SETD1B: variants seen among roughly 807,000 people sequenced by gnomAD.
SETD1B encodes SET domain containing 1B, histone lysine methyltransferase, also known as histone-lysine N-methyltransferase SETD1B.
In SETD1B, 7 loss-of-function variants were observed where a neutral mutation model predicts 148.0. The ratio of observed to expected loss-of-function variants is 0.05; its 90% CI spans 0.03 to 0.09. The LOEUF (loss-of-function observed/expected upper bound fraction) is 0.09. Ranked by LOEUF, SETD1B falls within the 10% of genes least tolerant of loss-of-function variation. SETD1B has a pLI of 1.00. For missense variants in SETD1B, 2,155 were observed against 2,729.9 expected (o/e 0.79, Z 4.69); for synonymous variants, 1,361 against 1,186.5 (o/e 1.15, Z -3.02).
At chr12:121,813,326 AAC>A (rs1876130846) in intron 6 of SETD1B, among the ~76,000 whole-genome samples, 2 of 13,594 alleles carry the variant, frequency 1.5e-4, no homozygotes, top group African/African-American at 2.3e-4. Flanking sequence ...AATAAATAAC[AAC>A]ACACTTCCTG....
chr12:121,790,441 T>C, the SETD1B span, among the ~76,000 whole-genome samples: 1 of 152,262 alleles, frequency 6.6e-6, no homozygotes, highest in Non-Finnish European at 1.5e-5. Context: ...TTCTGTCCTG[T>C]TCTCCTGAGA....
intron 16 of SETD1B, among the ~76,000 whole-genome samples, chr12:121,829,803 A>C (rs1446661883): frequency 2.0e-5 from 3 of 152,358 alleles, no homozygotes; most frequent in East Asian, 3.9e-4. Context: ...CCTGAGCTAA[A>C]AATAGACATA....
At position 121,822,480 on chromosome 12, in the gene SETD1B, C is replaced by G. The variant is rs1245402709; in HGVS notation, c.3911-10C>G. 6.5e-7 allele frequency: 1 copy of G among 1,532,282 alleles called. No homozygotes were observed. The highest frequency in any genetic ancestry group is 1.2e-5 in the South Asian group (1 of 82,382). 94.9% of individuals were successfully genotyped at this position (1,532,282 alleles called of 1,614,324 possible). On this transcript the variant is annotated splice_polypyrimidine_tract_variant and intron_variant, in intron 11 of 16. Transcript: ENST00000604567. The stretch of plus-strand genomic sequence containing the variant: ...TAGTAAATGTCTCGTGTTCGCTCAC[C>G]TCTCTGCAGAACATGACCTGGAAGT...
At chr12:121,793,107 CG>C in the SETD1B span, 1 of 1,506,416 alleles carries the variant, frequency 6.6e-7, no homozygotes, top group Non-Finnish European at 9.0e-7. Context: ...GGAAACCCTT[CG>C]GGCGGGCGGA....
the SETD1B span, among the ~76,000 whole-genome samples, chr12:121,796,906 C>T: frequency 1.3e-5 from 2 of 152,040 alleles, no homozygotes; most frequent in Non-Finnish European, 2.9e-5. Context: ...GGCGTGGTGG[C>T]ACATGCCTGT....
At chr12:121,793,303 T>A in the SETD1B span, 27,209 of 1,474,926 alleles carry the variant, frequency 0.018, 333 homozygotes, top group Non-Finnish European at 0.023. Context: ...TCCAGCTGAA[T>A]CCACTGTCCA....
intron 6 of SETD1B, among the ~76,000 whole-genome samples, chr12:121,813,202 T>C (rs1434580205): frequency 6.6e-6 from 1 of 152,244 alleles, no homozygotes; most frequent in Non-Finnish European, 1.5e-5. Context: ...CCCCCCGCCC[T>C]GTGAGGTTAT....
In SETD1B at chr12:121,817,728, CAG is replaced by C. The variant is rs1321110054; in HGVS notation, c.3312+25_3312+26del. On this transcript the variant is annotated intron_variant, in intron 9 of 16. Coordinates refer to ENST00000604567, the MANE Select transcript of SETD1B (RefSeq NM_001353345.2). This position sits in a 1 kb window ranked among gnomAD's most constrained non-coding sequence, Gnocchi z 8.1. ...AGGTGCCTAGCAGGCCAGGAAGCCT[CAG>C]GGGGCCGGGCCAGGCGACGAGGGCC... 19 of 1,538,628 alleles carry C rather than the reference CAG, an allele frequency of 1.2e-5. No homozygotes were observed. Among genetic ancestry groups the C allele is most frequent in the Middle Eastern group, 3.4e-4 (2 of 5,932 alleles).
chr12:121,830,405 T>C lies in SETD1B; in HGVS notation c.*166T>C. The C allele has an allele frequency of 3.3e-6, 2 of 609,968 alleles. No individual in the cohort carries two copies. The highest frequency in any genetic ancestry group is 5.6e-6 in the Non-Finnish European group (2 of 357,880). The allele number at this position is 609,968 out of a possible 1,614,324, so 37.8% of individuals were successfully genotyped here. Reference sequence around the variant, plus strand: ...GCCCCACACTACCCCCTGGAGCCCCTGGCTCCGGCCCCTCCGCGGGAAAGG... The same window carrying C: ...GCCCCACACTACCCCCTGGAGCCCCCGGCTCCGGCCCCTCCGCGGGAAAGG... On this transcript the variant is annotated 3_prime_UTR_variant, in exon 17 of 17. Coordinates refer to ENST00000604567, the MANE Select transcript of SETD1B (RefSeq NM_001353345.2). This position sits in a 1 kb window ranked among gnomAD's most constrained non-coding sequence, Gnocchi z 5.7.
the SETD1B span, among the ~76,000 whole-genome samples, chr12:121,791,195 G>A: frequency 1.3e-5 from 2 of 151,912 alleles, no homozygotes; most frequent in Non-Finnish European, 2.9e-5. Context: ...GCACAATCTC[G>A]GCTCACTGCA....
intron 16 of SETD1B, 69 bp downstream of exon 16, chr12:121,828,139 G>A: frequency 6.6e-7 from 1 of 1,525,654 alleles, no homozygotes; most frequent in Non-Finnish European, 8.8e-7. Flanking sequence ...TGCCAGGAGG[G>A]CCTGGAAGCC....
chr12:121,799,731 T>TGGGGGGGGGGGGGGGGGGGGGG (rs1308261766), upstream of SETD1B: 5 of 31,726 alleles, frequency 1.6e-4, no homozygotes, highest in East Asian at 1.3e-3. Flanking sequence ...GGGGGGGGGG[T>TGGGGGGGGGGGGGGGGGGGGGG]GGGGTGGGGC....
At chr12:121,828,324 G>A (rs959779386) in intron 16 of SETD1B, among the ~76,000 whole-genome samples, 1 of 152,266 alleles carries the variant, frequency 6.6e-6, no homozygotes, top group Non-Finnish European at 1.5e-5. Context: ...CAAAGAAGTG[G>A]TTGGTTCAGT....
chr12:121,805,133 C>T lies in SETD1B; in HGVS notation c.190C>T (p.Pro64Ser). 1 of 1,551,696 alleles carries T rather than the reference C, an allele frequency of 6.4e-7. No homozygotes were observed. The highest frequency in any genetic ancestry group is 8.7e-7 in the Non-Finnish European group (1 of 1,146,972). ...CTCCCCACAGATGTCCAGCAACCGC[C>T]CGGTGGAAATTGTCGAAGATCCCCG... ...HFSLAMSSNR[P>S]VEIVEDPRVV... The change falls in exon 3 of 17, where the codon CCG (proline) becomes TCG (serine). Residue 64 changes from proline to serine, a missense_variant. Transcript: ENST00000604567. The surrounding 1 kb of genome is among the most constrained non-coding windows in gnomAD (Gnocchi z 4.2).
At chr12:121,825,653 T>G (rs1280211382) in intron 13 of SETD1B, among the ~76,000 whole-genome samples, 1 of 152,072 alleles carries the variant, frequency 6.6e-6, no homozygotes, top group African/African-American at 2.4e-5. Context: ...TTGGGTTTTT[T>G]TTTTAGGGGG....
chr12:121,797,142 A>G, the SETD1B span: 8,968 of 279,764 alleles, frequency 0.032, 217 homozygotes, highest in Non-Finnish European at 0.047. Flanking sequence ...ACGACCTGAG[A>G]TGGTGGTGCC....
In SETD1B at chr12:121,817,461, G is replaced by T. The variant is rs755156676; in HGVS notation, c.3069G>T (p.Pro1023=). Reference sequence around the variant, plus strand: ...AGGGCGTGGGTGTGCGGCGGCGGCCGGCGCGGCCTCTGGAGCTGGACAGTG... The same window carrying T: ...AGGGCGTGGGTGTGCGGCGGCGGCCTGCGCGGCCTCTGGAGCTGGACAGTG... ...DPKGVGVRRR[P]ARPLELDSGG... is the part of the protein sequence containing the mutation. Residue 1023 remains proline (P), a synonymous_variant, in exon 9 of 17, where the codon CCG becomes CCT. Transcript: ENST00000604567. This position sits in a 1 kb window ranked among gnomAD's most constrained non-coding sequence, Gnocchi z 8.1. 12 of 1,548,226 alleles carry T rather than the reference G, an allele frequency of 7.8e-6. No homozygotes were observed. In the East Asian group the frequency reaches 2.7e-4, roughly 35 times the overall value.
chr12:121,798,276 GA>G, the SETD1B span, among the ~76,000 whole-genome samples: 16 of 152,360 alleles, frequency 1.1e-4, no homozygotes, highest in South Asian at 2.1e-3. Context: ...TGTGGATGGG[GA>G]AAGGCCTGCA....
chr12:121,804,725 T>C lies in SETD1B; in HGVS notation c.-13T>C. 1.3e-6 allele frequency: 2 copies of C among 1,546,740 alleles called. No individual in the cohort carries two copies. The highest frequency in any genetic ancestry group is 1.2e-5 in the South Asian group (1 of 83,678). On this transcript the variant is annotated splice_region_variant and 5_prime_UTR_variant, in exon 2 of 17. Transcript: ENST00000604567. This position sits in a 1 kb window ranked among gnomAD's most constrained non-coding sequence, Gnocchi z 4.6. Reference sequence around the variant, plus strand: ...CGACAACAACTTGCTGGTTTTCAGGTTGGGTTAACGGCATGGAGAACAGTC... The same window carrying C: ...CGACAACAACTTGCTGGTTTTCAGGCTGGGTTAACGGCATGGAGAACAGTC...
Sources: gnomAD v4.1 joint callset for allele counts (sites outside exome capture counted in the v4.1 genomes callset) on GRCh38, gnomAD v4.1.1 for gene constraint, Gnocchi (gnomAD v3.1) non-coding constraint, MANE v1.5 for transcripts, NCBI Gene and HGNC (gene_info 2026-07-23, HGNC 2026-07-21) for gene names.